PARD3B: variants seen among roughly 807,000 people sequenced by gnomAD.
PARD3B encodes partitioning defective 3 homolog B.
PARD3B carries 103 observed loss-of-function variants against 130.2 expected under a neutral mutation model. The ratio of observed to expected loss-of-function variants is 0.79; its 90% CI spans 0.67 to 0.93. The LOEUF (loss-of-function observed/expected upper bound fraction) is 0.93, where lower values mean the gene tolerates loss of function less well. PARD3B is among the 40% of genes least tolerant of loss of function. The pLI, the probability that PARD3B is intolerant of heterozygous loss-of-function variation, is 0.00. For missense variants in PARD3B, 1,609 were observed against 1,499.2 expected, an observed-to-expected ratio of 1.07 and a Z score of -1.21; for synonymous variants, 583 against 553.2, an observed-to-expected ratio of 1.05 and a Z score of -0.76.
At chr2:205,092,080 G>T (rs1702145900) in intron 4 of PARD3B, among the ~76,000 whole-genome samples, 1 of 152,124 alleles carries the variant, frequency 6.6e-6, no homozygotes, top group Non-Finnish European at 1.5e-5. Context: ...GGCTACTAGA[G>T]GGAGAAGGTA....
At chr2:205,356,831 C>A (rs527662903) in intron 18 of PARD3B, among the ~76,000 whole-genome samples, 15 of 147,494 alleles carry the variant, frequency 1.0e-4, no homozygotes, top group African/African-American at 3.7e-4. Flanking sequence ...GCAGGGGTTG[C>A]AGTGAGCTGA....
intron 2 of PARD3B, among the ~76,000 whole-genome samples, chr2:204,690,535 T>C (rs561518686): frequency 5.9e-5 from 9 of 152,104 alleles, no homozygotes; most frequent in Admixed American, 5.2e-4. Context: ...ATGCCAGCTG[T>C]GAAGATGGAG....
At chr2:204,639,848 G>T (rs529772438) in intron 1 of PARD3B, among the ~76,000 whole-genome samples, 1 of 152,120 alleles carries the variant, frequency 6.6e-6, no homozygotes, top group African/African-American at 2.4e-5. Context: ...TACTAGAAAG[G>T]CTTGGTGATG....
intron 19 of PARD3B, among the ~76,000 whole-genome samples, chr2:205,437,099 A>G (rs150398262): frequency 3.0e-4 from 46 of 152,250 alleles, no homozygotes; most frequent in Non-Finnish European, 5.3e-4. Context: ...AGTGAAATGT[A>G]TACATGGCTG....
rs1447443483 is a variant in PARD3B, at chr2:205,506,159, C to A, written c.3180+6128C>A. ...ACTAACCTGGCCAACATGGTGAAAC[C>A]CTGTCTTTACTAAAAATACAAAAAT... On this transcript the variant is annotated intron_variant, in intron 21 of 22. Coordinates refer to ENST00000406610, the MANE Select transcript of PARD3B (RefSeq NM_001302769.2). 2.0e-5 allele frequency among the ~76,000 whole-genome samples: 3 copies of A among 152,056 alleles called. No homozygotes were observed. The East Asian group carries it at 5.8e-4, about 29-fold the overall frequency.
In PARD3B at chr2:205,276,705, C is replaced by A. The variant is rs557821984; in HGVS notation, c.2186-23825C>A. On this transcript the variant is annotated intron_variant, in intron 16 of 22. Transcript: ENST00000406610. The surrounding 1 kb of genome is among the most constrained non-coding windows in gnomAD (Gnocchi z 5.0). ...CCTGCCTCTGAGCTTCCTGTGAAATCTATAGGAGGAGAAGCCCAAGGGACT... is the reference window on the plus strand; with the variant it reads ...CCTGCCTCTGAGCTTCCTGTGAAATATATAGGAGGAGAAGCCCAAGGGACT... Among the ~76,000 whole-genome samples, 5 of 152,270 alleles carry A rather than the reference C, an allele frequency of 3.3e-5. No individual in the cohort carries two copies. In the South Asian group the frequency reaches 1.0e-3, roughly 32 times the overall value.
chr2:205,067,978 A>T (rs10205931), intron 4 of PARD3B, among the ~76,000 whole-genome samples: 9,575 of 152,176 alleles, frequency 0.063, 334 homozygotes, highest in Middle Eastern at 0.18. Flanking sequence ...TATTTCTTGC[A>T]TTGTCCCTGT....
At position 204,545,787 on chromosome 2, in the gene PARD3B, C is replaced by T. The variant is rs1439703433; in HGVS notation, c.-213C>T. ...CCGCCGGGCACCTGGGAGGTAACCC[C>T]TTTCCGCGGCCGCCCCTCCCCGATT... On this transcript the variant is annotated 5_prime_UTR_variant, in exon 1 of 23. Transcript: ENST00000406610. The T allele has an allele frequency of 4.1e-6, 2 of 485,000 alleles. No individual in the cohort carries two copies. Among genetic ancestry groups the T allele is most frequent in the Admixed American group, 4.5e-5 (1 of 22,158 alleles). The allele number at this position is 485,000 out of a possible 1,614,324, so 30.0% of individuals were successfully genotyped here. A position where few individuals can be genotyped will look rare whatever the true frequency, so the allele number is the denominator to read the frequency against.
chr2:205,125,727 C>T lies in PARD3B; in HGVS notation c.1424C>T (p.Pro475Leu), dbSNP rs555870398. Residue 475 changes from proline to leucine, a missense_variant, in exon 10 of 23, where the codon CCC becomes CTC. Pro to Leu is a moderately conservative substitution (Grantham distance 98). Transcript: ENST00000406610. The surrounding 1 kb of genome is among the most constrained non-coding windows in gnomAD (Gnocchi z 4.0). ...GCCCGCCAAGAAGGACATTTTCTGCCCCGAGAGTTGGTAATGTTCAGATCT... is the reference window on the plus strand; with the variant it reads ...GCCCGCCAAGAAGGACATTTTCTGCTCCGAGAGTTGGTAATGTTCAGATCT... ...VIARQEGHFL[P>L]RELKGEPDCC... 2.5e-6 allele frequency: 4 copies of T among 1,614,012 alleles called. No homozygotes were observed. In the East Asian group the frequency reaches 6.7e-5, roughly 27 times the overall value.
intron 18 of PARD3B, among the ~76,000 whole-genome samples, chr2:205,356,415 G>C (rs1289607006): frequency 6.6e-6 from 1 of 152,104 alleles, no homozygotes; most frequent in South Asian, 2.1e-4. Flanking sequence ...GCAGAGGAAT[G>C]ATCATAGGTC....
intron 2 of PARD3B, among the ~76,000 whole-genome samples, chr2:204,913,404 C>T (rs186190482): frequency 1.2e-4 from 18 of 152,228 alleles, no homozygotes; most frequent in Admixed American, 4.6e-4. Flanking sequence ...ACTTTTGAGA[C>T]GATTGTGAGA....
At position 204,632,446 on chromosome 2, in the gene PARD3B, C is replaced by T. The variant is rs1458683067; in HGVS notation, c.121-53735C>T. On this transcript the variant is annotated intron_variant, in intron 1 of 22. Coordinates refer to ENST00000406610, the MANE Select transcript of PARD3B (RefSeq NM_001302769.2). The stretch of plus-strand genomic sequence containing the variant: ...CTTTGTGGGCTTATCTACCTCTGAT[C>T]TTTGAGGTTGCTGACCTTTGGATGG... Among the ~76,000 whole-genome samples the T allele has an allele frequency of 2.6e-5, 4 of 152,224 alleles. No homozygotes were observed. In the East Asian group the frequency reaches 7.7e-4, roughly 29 times the overall value.
At position 205,165,931 on chromosome 2, in the gene PARD3B, A is replaced by T. The variant is rs111257456; in HGVS notation, c.1621-6280A>T. Among the ~76,000 whole-genome samples, 337 of 152,070 alleles carry T rather than the reference A, an allele frequency of 2.2e-3. 7 individuals are homozygous for T. In the East Asian group the frequency reaches 0.031, roughly 14 times the overall value. Reference sequence around the variant, plus strand: ...GGGGCAGTATACAGAACGTAATCAAACTTTTTTTTTCTTTTTTGGAATTCT... The same window carrying T: ...GGGGCAGTATACAGAACGTAATCAATCTTTTTTTTTCTTTTTTGGAATTCT... On this transcript the variant is annotated intron_variant, in intron 11 of 22. Coordinates refer to ENST00000406610, the MANE Select transcript of PARD3B (RefSeq NM_001302769.2).
chr2:204,708,874 T>G (rs548763727), intron 2 of PARD3B, among the ~76,000 whole-genome samples: 1 of 152,338 alleles, frequency 6.6e-6, no homozygotes, highest in Non-Finnish European at 1.5e-5. Context: ...AATTTTAAAA[T>G]GCCTTTCTTA....
intron 22 of PARD3B, among the ~76,000 whole-genome samples, chr2:205,553,673 C>G (rs2052750071): frequency 6.6e-6 from 1 of 152,162 alleles, no homozygotes; most frequent in Admixed American, 6.5e-5. Flanking sequence ...TAAGCCATTG[C>G]TATAAAACTG....
chr2:204,597,049 T>G (rs1202594711), intron 1 of PARD3B, among the ~76,000 whole-genome samples: 1 of 152,012 alleles, frequency 6.6e-6, no homozygotes, highest in East Asian at 1.9e-4. Context: ...GTCTCTAAAT[T>G]GTGTAAAGGC....
rs2034417062 is a variant in PARD3B, at chr2:205,160,063, C to T, written c.1620+1156C>T. On this transcript the variant is annotated intron_variant, in intron 11 of 22. Transcript: ENST00000406610. The surrounding 1 kb of genome is among the most constrained non-coding windows in gnomAD (Gnocchi z 4.0). Reference sequence around the variant, plus strand: ...CTGGCTTTGTTGAAGCAACTGTCGTCTCACACTTACCCTTCCACTTTTGTT... The same window carrying T: ...CTGGCTTTGTTGAAGCAACTGTCGTTTCACACTTACCCTTCCACTTTTGTT... Among the ~76,000 whole-genome samples, 1 of 152,232 alleles carries T rather than the reference C, an allele frequency of 6.6e-6. No homozygotes were observed.
intron 1 of PARD3B, among the ~76,000 whole-genome samples, chr2:204,569,917 A>G (rs1002129281): frequency 2.0e-5 from 3 of 152,176 alleles, no homozygotes; most frequent in Non-Finnish European, 4.4e-5. Context: ...AGATGATACA[A>G]AATCAAACCT....
chr2:205,162,032 T>C (rs540183908), intron 11 of PARD3B, among the ~76,000 whole-genome samples: 2 of 152,318 alleles, frequency 1.3e-5, no homozygotes, highest in Admixed American at 1.3e-4. Context: ...TTTTGTTTTG[T>C]TTTATTTTGT....
Sources: gnomAD v4.1 joint callset for allele counts (sites outside exome capture counted in the v4.1 genomes callset) on GRCh38, gnomAD v4.1.1 for gene constraint, Gnocchi (gnomAD v3.1) non-coding constraint, MANE v1.5 for transcripts, NCBI Gene and HGNC (gene_info 2026-07-23, HGNC 2026-07-21) for gene names.